DIS3: variants seen among roughly 807,000 people sequenced by gnomAD.
DIS3 encodes the protein exosome complex exonuclease RRP44.
DIS3 carries 103 observed loss-of-function variants against 113.0 expected under a neutral mutation model. The ratio of observed to expected loss-of-function variants is 0.91; its 90% CI spans 0.78 to 1.07. DIS3 has a LOEUF of 1.07. Among genes scored for constraint, DIS3 ranks in the 50% least tolerant of loss-of-function variants. The pLI, the probability that DIS3 is intolerant of heterozygous loss-of-function variation, is 0.00. For missense variants in DIS3, 1,121 were observed against 1,167.1 expected (o/e 0.96, Z 0.58); for synonymous variants, 402 against 394.3 (o/e 1.02, Z -0.23).
At position 72,781,713 on chromosome 13, in the gene DIS3, T is replaced by A; in HGVS notation, c.120A>T (p.Gly40=). 2 of 1,573,832 alleles carry A rather than the reference T, an allele frequency of 1.3e-6. No individual in the cohort carries two copies. The highest frequency in any genetic ancestry group is 1.7e-6 in the Non-Finnish European group (2 of 1,160,766). ...GCGAPGCAAC[G]GAHEGPALEP... ...CCAGGGCCGGCCCCTCGTGCGCCCC[T>A]CCACACGCTGCGCACCCGGGCGCAC... Residue 40 remains glycine (G), a synonymous_variant, in exon 1 of 21, where the codon GGA becomes GGT. Coordinates refer to ENST00000377767, the MANE Select transcript of DIS3 (RefSeq NM_014953.5).
At position 72,759,992 on chromosome 13, in the gene DIS3, G is replaced by A. The variant is rs1011201555; in HGVS notation, c.2794-114C>T. The A allele has an allele frequency of 7.1e-5, 58 of 820,006 alleles. No homozygotes were observed. In the Middle Eastern group the frequency reaches 9.5e-4, roughly 13 times the overall value. 50.8% of individuals were successfully genotyped at this position (820,006 alleles called of 1,614,324 possible). A position where few individuals can be genotyped will look rare whatever the true frequency, so the allele number is the denominator to read the frequency against. ...AAATTTAAAAGGATGTAGTGGTAGG[G>A]AGGGGAAAGGGGGCTAATTAAAGGT... On this transcript the variant is annotated intron_variant, in intron 20 of 20. Transcript: ENST00000377767.
intron 2 of DIS3, among the ~76,000 whole-genome samples, 188 bp downstream of exon 2, chr13:72,780,658 C>T (rs2034160475): frequency 6.6e-6 from 1 of 152,042 alleles, no homozygotes; most frequent in South Asian, 2.1e-4. Context: ...AGGCTTGAGC[C>T]CATCAATGCC....
In DIS3 at chr13:72,772,758, G is replaced by T; in HGVS notation, c.1321C>A (p.His441Asn). Reference protein sequence around the residue: ...EVLLLEHDVPHQPFSQAVLSF... With the variant: ...EVLLLEHDVPNQPFSQAVLSF... ...AGAACAGCCTGTGAAAAAGGCTGAT[G>T]GGGAACATCGTGTTCAAGTAACAAA... is the stretch of plus-strand genomic sequence containing the variant. The change falls in exon 9 of 21, where the codon CAT (histidine) becomes AAT (asparagine). Residue 441 changes from histidine to asparagine, a missense_variant. This residue lies in a region of DIS3 where 861 missense variants were observed against 915.5 expected (regional missense o/e 0.94). Coordinates refer to ENST00000377767, the MANE Select transcript of DIS3 (RefSeq NM_014953.5). The T allele has an allele frequency of 6.2e-7, 1 of 1,613,574 alleles. No homozygotes were observed. The highest frequency in any genetic ancestry group is 8.5e-7 in the Non-Finnish European group (1 of 1,179,872).
At position 72,761,645 on chromosome 13, in the gene DIS3, C is replaced by G. The variant is rs750580353; in HGVS notation, c.2511+1G>C. On this transcript the variant is annotated splice_donor_variant, in intron 18 of 20. Coordinates refer to ENST00000377767, the MANE Select transcript of DIS3 (RefSeq NM_014953.5). LOFTEE classifies it high-confidence loss of function. ...TAGCAGTATCGACAAAAGGCAAATA[C>G]CTGGGTATGAAAAGCCACTGATGCA... 16 of 1,586,456 alleles carry G rather than the reference C, an allele frequency of 1.0e-5. No individual in the cohort carries two copies. The Admixed American group carries it at 2.2e-4, about 22-fold the overall frequency.
chr13:72,770,466 G>A (rs1047765787), intron 13 of DIS3, among the ~76,000 whole-genome samples: 2 of 152,162 alleles, frequency 1.3e-5, no homozygotes, highest in African/African-American at 4.8e-5. Context: ...TTCTCAAGAA[G>A]TGGGCAGGAA....
chr13:72,777,582 G>T, intron 3 of DIS3, 89 bp from the exon 4 acceptor site: 2 of 1,097,094 alleles, frequency 1.8e-6, no homozygotes, highest in Non-Finnish European at 2.7e-6. Context: ...CAGTATACAC[G>T]TCATTCTTTC....
At chr13:72,781,050 G>C (rs775913651) in intron 1 of DIS3, 47 bp from the exon 2 acceptor site, 4 of 1,538,144 alleles carry the variant, frequency 2.6e-6, no homozygotes, top group Non-Finnish European at 2.6e-6. Context: ...TTTGTAAATA[G>C]CTCTGTCAAA....
Position 72,772,257 on chromosome 13 carries a change from C to T in DIS3, c.1405G>A (p.Asp469Asn), listed in dbSNP as rs746896946. Residue 469 changes from aspartate (D) to asparagine (N), a missense_variant, in exon 10 of 21, where the codon GAC (aspartate) becomes AAC (asparagine). By Grantham distance (23) the Asp-to-Asn change is conservative. Around this residue, in one of 3 missense-constraint regions of DIS3, gnomAD observed 861 missense variants for 915.5 expected, o/e 0.94. Coordinates refer to ENST00000377767, the MANE Select transcript of DIS3 (RefSeq NM_014953.5). Reference sequence around the variant, plus strand: ...CTACAAATACACAGATGCCTCAGGTCTTCTCGGTTTTTCATGTCCTAGAAG... The same window carrying T: ...CTACAAATACACAGATGCCTCAGGTTTTCTCGGTTTTTCATGTCCTAGAAG... ...ITEKDMKNRE[D>N]LRHLCICSVD... 30 of 1,612,118 alleles carry T rather than the reference C, an allele frequency of 1.9e-5. No individual in the cohort carries two copies. The Admixed American group carries it at 5.0e-4, about 27-fold the overall frequency.
chr13:72,761,882 A>G, intron 17 of DIS3, 41 bp downstream of exon 17: 1 of 1,612,086 alleles, frequency 6.2e-7, no homozygotes, highest in Non-Finnish European at 8.5e-7. Flanking sequence ...ATTCAAAATT[A>G]ACCATTTTCT....
intron 15 of DIS3, among the ~76,000 whole-genome samples, chr13:72,764,646 CCTT>C (rs1294924524): frequency 2.0e-5 from 3 of 152,186 alleles, no homozygotes; most frequent in Non-Finnish European, 4.4e-5. Flanking sequence ...AAATGATCCA[CCTT>C]CTGTTGATAC....
intron 1 of DIS3, chr13:72,781,400 G>C: frequency 6.6e-7 from 1 of 1,524,890 alleles, no homozygotes; most frequent in Admixed American, 2.1e-5. Flanking sequence ...TAACGTGTCT[G>C]AACTACGACT....
Position 72,753,958 on chromosome 13 carries a change from C to G in DIS3, c.*5837G>C. 2.3e-6 allele frequency: 2 copies of G among 872,486 alleles called. No individual in the cohort carries two copies. The highest frequency in any genetic ancestry group is 4.0e-5 in the South Asian group (2 of 49,990). The allele number at this position is 872,486 out of a possible 1,614,324, so 54.0% of individuals were successfully genotyped here. A position where few individuals can be genotyped will look rare whatever the true frequency, so the allele number is the denominator to read the frequency against. ...AAAGGTAAGCCTGTTTTCTTAACAT[C>G]CAATAACCTTTAAATATTTTGGTTA... On this transcript the variant is annotated 3_prime_UTR_variant, in exon 21 of 21. Coordinates refer to ENST00000377767, the MANE Select transcript of DIS3 (RefSeq NM_014953.5).
In DIS3 at chr13:72,759,625, G is replaced by A. The variant is rs2033576379; in HGVS notation, c.*170C>T. 1 of 573,638 alleles carries A rather than the reference G, an allele frequency of 1.7e-6. No individual in the cohort carries two copies. Among genetic ancestry groups the A allele is most frequent in the East Asian group, 2.9e-5 (1 of 34,674 alleles). The allele number at this position is 573,638 out of a possible 1,614,324, so 35.5% of individuals were successfully genotyped here. On this transcript the variant is annotated 3_prime_UTR_variant, in exon 21 of 21. Coordinates refer to ENST00000377767, the MANE Select transcript of DIS3 (RefSeq NM_014953.5). ...TTCTGTTCAACCCAGAAGTATAGTA[G>A]TATGATGGGTCAGATACAGTCAACT...
rs1404358139 is a variant in DIS3, at chr13:72,770,888, T to C, written c.1755+16A>G. The C allele has an allele frequency of 2.6e-6, 4 of 1,554,908 alleles. No individual in the cohort carries two copies. The highest frequency in any genetic ancestry group is 2.6e-6 in the Non-Finnish European group (3 of 1,150,236). The stretch of plus-strand genomic sequence containing the variant: ...AAAAAGTTTAAAAATTAGAGATTAA[T>C]AGCCATGAAACGAACCTTTGAATTA... On this transcript the variant is annotated intron_variant, in intron 13 of 20. Coordinates refer to ENST00000377767, the MANE Select transcript of DIS3 (RefSeq NM_014953.5).
intron 2 of DIS3, 113 bp downstream of exon 2, chr13:72,780,733 G>A (rs1349304690): frequency 8.9e-6 from 9 of 1,007,510 alleles, no homozygotes; most frequent in South Asian, 3.2e-5. Flanking sequence ...ATTAAATAAG[G>A]TATGAAATCT....
chr13:72,755,086 C>T lies in DIS3; in HGVS notation c.*4709G>A, dbSNP rs972016211. The T allele has an allele frequency of 1.7e-5, 24 of 1,396,350 alleles. No homozygotes were observed. Among genetic ancestry groups the T allele is most frequent in the South Asian group, 2.3e-5 (2 of 85,588 alleles). The allele number at this position is 1,396,350 out of a possible 1,614,324, so 86.5% of individuals were successfully genotyped here. A position where few individuals can be genotyped will look rare whatever the true frequency, so the allele number is the denominator to read the frequency against. ...TGCTTTTAGGTTTTAAAAACAGTCC[C>T]GATAATTGCATCCTCCAGTGGTCCT... is the stretch of plus-strand genomic sequence containing the variant. On this transcript the variant is annotated 3_prime_UTR_variant, in exon 21 of 21. Coordinates refer to ENST00000377767, the MANE Select transcript of DIS3 (RefSeq NM_014953.5).
chr13:72,776,983 T>C (rs918124854), intron 4 of DIS3, among the ~76,000 whole-genome samples: 1 of 152,238 alleles, frequency 6.6e-6, no homozygotes, highest in African/African-American at 2.4e-5. Flanking sequence ...TTCCTCTTCA[T>C]AGCAGCCCTT....
At chr13:72,780,110 G>C (rs954133982) in intron 2 of DIS3, among the ~76,000 whole-genome samples, 1 of 151,598 alleles carries the variant, frequency 6.6e-6, no homozygotes, top group African/African-American at 2.4e-5. Context: ...GGTGGATCAC[G>C]AGGTCAGGAA....
intron 8 of DIS3, 138 bp from the exon 9 acceptor site, chr13:72,772,977 G>T: frequency 1.0e-6 from 1 of 979,888 alleles, no homozygotes; most frequent in Non-Finnish European, 1.4e-6. Context: ...TGACCCTTTA[G>T]TAAATTAGAC....
Sources: allele counts gnomAD v4.1 joint callset (sites outside exome capture counted in the v4.1 genomes callset), GRCh38; gene constraint gnomAD v4.1.1; regional missense constraint gnomAD v4.1.1; transcripts MANE v1.5; gene names NCBI Gene and HGNC (gene_info 2026-07-23, HGNC 2026-07-21).